The following FAM168A variants were observed in gnomAD, a reference collection of about 807,000 sequenced individuals.
FAM168A encodes the protein family with sequence similarity 168 member A, also known as protein FAM168A.
Under a neutral mutation model 28.5 loss-of-function variants are expected in FAM168A, and 3 were observed. The ratio of observed to expected loss-of-function variants is 0.11; its 90% CI spans 0.05 to 0.27. The LOEUF (loss-of-function observed/expected upper bound fraction) is 0.27. FAM168A is among the 10% of genes least tolerant of loss of function. The probability of loss-of-function intolerance (pLI) is 1.00; values close to 1 mark genes in which losing one functional copy is unlikely to be tolerated. For missense variants in FAM168A, 222 were observed against 311.5 expected (o/e 0.71, Z 2.16); for synonymous variants, 122 against 124.2 (o/e 0.98, Z 0.12).
At chr11:73,460,453 T>C (rs1278115337) in intron 2 of FAM168A, among the ~76,000 whole-genome samples, 1 of 151,662 alleles carries the variant, frequency 6.6e-6, no homozygotes, top group Non-Finnish European at 1.5e-5. Context: ...CTGTGCTAGG[T>C]ACTGGGGATA....
intron 2 of FAM168A, among the ~76,000 whole-genome samples, chr11:73,453,851 G>A (rs1240174566): frequency 6.6e-6 from 1 of 152,188 alleles, no homozygotes; most frequent in Non-Finnish European, 1.5e-5. Context: ...ATTTTCAGCT[G>A]TATTCGAGGC....
intron 2 of FAM168A, among the ~76,000 whole-genome samples, chr11:73,443,045 T>C (rs113926895): frequency 3.0e-4 from 40 of 135,562 alleles, no homozygotes; most frequent in African/African-American, 1.1e-3. Context: ...TAGGAGCACA[T>C]AACTAAAGGC....
At chr11:73,417,598 T>C (rs1327574689) in intron 4 of FAM168A, among the ~76,000 whole-genome samples, 2 of 149,824 alleles carry the variant, frequency 1.3e-5, no homozygotes, top group Non-Finnish European at 3.0e-5. Context: ...CTCACTCTGT[T>C]GCCCAGGCTG....
chr11:73,412,257 CCTT>C (rs1866625867), intron 4 of FAM168A: 1 of 152,278 alleles, frequency 6.6e-6, no homozygotes, highest in South Asian at 2.1e-4. Context: ...GTTGGCTCCT[CCTT>C]CTCTCCTGGG....
At chr11:73,545,021 A>G (rs1385960364) in intron 1 of FAM168A, among the ~76,000 whole-genome samples, 1 of 91,062 alleles carries the variant, frequency 1.1e-5, no homozygotes, top group South Asian at 2.5e-4. Flanking sequence ...TATATATAGT[A>G]TATATAATAT....
At chr11:73,551,110 C>CAA (rs199595702) in intron 1 of FAM168A, among the ~76,000 whole-genome samples, 8 of 77,026 alleles carry the variant, frequency 1.0e-4, no homozygotes, top group Non-Finnish European at 1.5e-4. Flanking sequence ...GACTCTGTCT[C>CAA]AAAAAAAAAA....
chr11:73,450,242 T>C (rs1302888470), intron 2 of FAM168A, among the ~76,000 whole-genome samples: 2 of 152,216 alleles, frequency 1.3e-5, no homozygotes, highest in Non-Finnish European at 2.9e-5. Flanking sequence ...TGTTTTGAAC[T>C]TGAAGGAATT....
In FAM168A at chr11:73,521,476, AAAG is replaced by A. The variant is rs576099329; in HGVS notation, c.-18-52987_-18-52985del. Among the ~76,000 whole-genome samples, 57 of 152,224 alleles carry A rather than the reference AAAG, an allele frequency of 3.7e-4. No individual in the cohort carries two copies. In the East Asian group the frequency reaches 8.1e-3, roughly 22 times the overall value. On this transcript the variant is annotated intron_variant, in intron 1 of 7. Transcript: ENST00000356467. ...AGGAGATTAGAAAAAAAAAACAAAAAAAGAAGAAGAAAACTCTGCTCTTCTTTT... is the reference window on the plus strand; with the variant it reads ...AGGAGATTAGAAAAAAAAAACAAAAAAAGAAGAAAACTCTGCTCTTCTTTT...
chr11:73,490,005 C>A (rs1364921300), intron 1 of FAM168A, among the ~76,000 whole-genome samples: 1 of 152,136 alleles, frequency 6.6e-6, no homozygotes, highest in East Asian at 1.9e-4. Context: ...AATTGCATAA[C>A]CAAATACCAT....
At chr11:73,496,194 G>A (rs1374118656) in intron 1 of FAM168A, among the ~76,000 whole-genome samples, 2 of 152,204 alleles carry the variant, frequency 1.3e-5, no homozygotes, top group African/African-American at 4.8e-5. Context: ...AGGACGTTAT[G>A]CTAAGTAAAG....
At chr11:73,416,718 G>A (rs1866700330) in intron 4 of FAM168A, among the ~76,000 whole-genome samples, 2 of 152,142 alleles carry the variant, frequency 1.3e-5, no homozygotes, top group African/African-American at 4.8e-5. Context: ...TAGCTGGTGG[G>A]CAGACAGCTT....
At chr11:73,538,778 A>G (rs1184343579) in intron 1 of FAM168A, among the ~76,000 whole-genome samples, 5 of 152,198 alleles carry the variant, frequency 3.3e-5, no homozygotes, top group African/African-American at 1.2e-4. Context: ...GAGTGTCTTC[A>G]TTGTCATGGC....
chr11:73,417,239 G>C (rs1866709618), intron 4 of FAM168A, among the ~76,000 whole-genome samples: 1 of 152,146 alleles, frequency 6.6e-6, no homozygotes, highest in South Asian at 2.1e-4. Flanking sequence ...GAGAGATAAG[G>C]AGTCTAATTG....
At chr11:73,566,800 C>T (rs1590735008) in intron 1 of FAM168A, among the ~76,000 whole-genome samples, 2 of 152,290 alleles carry the variant, frequency 1.3e-5, no homozygotes, top group South Asian at 2.1e-4. Context: ...TAAAATGTTA[C>T]AGGTCCTATA....
intron 1 of FAM168A, among the ~76,000 whole-genome samples, chr11:73,470,189 C>T (rs563453278): frequency 6.6e-6 from 1 of 152,144 alleles, no homozygotes; most frequent in African/African-American, 2.4e-5. Context: ...GGATTACAGT[C>T]GTGAGCCACC....
At chr11:73,411,372 G>A (rs778415171) in intron 5 of FAM168A, 22 bp downstream of exon 5, 32 of 1,562,614 alleles carry the variant, frequency 2.0e-5, no homozygotes, top group Non-Finnish European at 2.6e-5. Context: ...CTGCAGAAGA[G>A]GTGGCTTTGA....
At chr11:73,480,060 C>T (rs1867946932) in intron 1 of FAM168A, among the ~76,000 whole-genome samples, 1 of 152,150 alleles carries the variant, frequency 6.6e-6, no homozygotes, top group Non-Finnish European at 1.5e-5. Context: ...TAGCTTTCTA[C>T]ATTTTATAAT....
chr11:73,426,703 C>CTGTGTGTGTGTG (rs34499254), intron 3 of FAM168A, among the ~76,000 whole-genome samples: 5,654 of 144,220 alleles, frequency 0.039, 227 homozygotes, highest in African/African-American at 0.099. Context: ...CCAAAATATG[C>CTGTGTGTGTGTG]TGTGTGTGTG....
chr11:73,501,905 T>C (rs1023342481), intron 1 of FAM168A, among the ~76,000 whole-genome samples: 2 of 151,862 alleles, frequency 1.3e-5, no homozygotes, highest in African/African-American at 4.8e-5. Flanking sequence ...ATCAAGACCA[T>C]CCTGGCTAAC....
Sources: allele counts gnomAD v4.1 joint callset (sites outside exome capture counted in the v4.1 genomes callset), GRCh38; gene constraint gnomAD v4.1.1; transcripts MANE v1.5; gene names NCBI Gene and HGNC (gene_info 2026-07-23, HGNC 2026-07-21).